Variants in GTF2F2 observed in about 807,000 individuals in gnomAD.
GTF2F2 encodes the protein ATP-dependent helicase GTF2F2.
GTF2F2 carries 23 observed loss-of-function variants against 42.2 expected under a neutral mutation model. The ratio of observed to expected loss-of-function variants is 0.55; its 90% confidence interval spans 0.39 to 0.77. The LOEUF is 0.77. Among genes scored for constraint, GTF2F2 ranks in the 30% least tolerant of loss-of-function variants. The pLI, the probability that GTF2F2 is intolerant of heterozygous loss-of-function variation, is 0.00. For missense variants in GTF2F2, 261 were observed against 287.2 expected (o/e 0.91, Z 0.66); for synonymous variants, 105 against 100.8 (o/e 1.04, Z -0.25).
At position 45,146,737 on chromosome 13, in the gene GTF2F2, A is replaced by T. The variant is rs1870215290; in HGVS notation, c.141-3033A>T. Among the ~76,000 whole-genome samples the T allele has an allele frequency of 2.6e-5, 4 of 152,296 alleles. No homozygotes were observed. In the South Asian group the frequency reaches 8.3e-4, roughly 32 times the overall value. ...GTAGCTGTGGGGTATTGAGAAATAG[A>T]CTCAGAGTAGTAAAGGAGAAAATGC... On this transcript the variant is annotated intron_variant, in intron 2 of 7. Coordinates refer to ENST00000340473, the MANE Select transcript of GTF2F2 (RefSeq NM_004128.3).
intron 2 of GTF2F2, among the ~76,000 whole-genome samples, chr13:45,141,967 T>G (rs550301084): frequency 1.1e-4 from 17 of 152,342 alleles, no homozygotes; most frequent in Non-Finnish European, 2.1e-4. Flanking sequence ...TTCCTTGTTG[T>G]TCTCTCTTGT....
chr13:45,153,854 G>A (rs1288519304), intron 4 of GTF2F2, among the ~76,000 whole-genome samples: 1 of 151,724 alleles, frequency 6.6e-6, no homozygotes, highest in Non-Finnish European at 1.5e-5. Flanking sequence ...GCAGGTGCCT[G>A]TAATCCCAGC....
chr13:45,239,838 C>G (rs1182517452), intron 5 of GTF2F2, among the ~76,000 whole-genome samples: 2 of 152,066 alleles, frequency 1.3e-5, no homozygotes, highest in Non-Finnish European at 2.9e-5. Context: ...TTCATTATAT[C>G]TAAGATGCAA....
At chr13:45,129,798 A>G (rs1869240150) in intron 1 of GTF2F2, among the ~76,000 whole-genome samples, 1 of 152,240 alleles carries the variant, frequency 6.6e-6, no homozygotes, top group Non-Finnish European at 1.5e-5. Flanking sequence ...TTTAAAGCAG[A>G]TGATAAGTGC....
chr13:45,206,367 A>G (rs1010170011), intron 4 of GTF2F2: 1 of 152,196 alleles, frequency 6.6e-6, no homozygotes, highest in African/African-American at 2.4e-5. Context: ...AGTGAACTGT[A>G]TGCTTCTTGA....
chr13:45,219,048 AAAAG>A (rs1221861093), intron 5 of GTF2F2, among the ~76,000 whole-genome samples: 1 of 152,120 alleles, frequency 6.6e-6, no homozygotes, highest in Non-Finnish European at 1.5e-5. Flanking sequence ...TTTTTTAAAA[AAAAG>A]GCTGCTCAAA....
intron 1 of GTF2F2, among the ~76,000 whole-genome samples, chr13:45,129,915 C>T (rs963044318): frequency 1.3e-5 from 2 of 152,168 alleles, no homozygotes; most frequent in Non-Finnish European, 2.9e-5. Context: ...TAAGCAGGGA[C>T]GTAAAGAATT....
intron 4 of GTF2F2, among the ~76,000 whole-genome samples, chr13:45,157,071 T>TG (rs1870797934): frequency 6.6e-6 from 1 of 151,978 alleles, no homozygotes; most frequent in Non-Finnish European, 1.5e-5. Context: ...AGGTTGGGGG[T>TG]GGGACCTCAT....
chr13:45,170,252 C>A (rs577062115), intron 4 of GTF2F2, among the ~76,000 whole-genome samples: 2 of 152,088 alleles, frequency 1.3e-5, no homozygotes, highest in Non-Finnish European at 2.9e-5. Flanking sequence ...GGTCTCAGAC[C>A]CCCCCTGCCT....
At chr13:45,222,839 A>G (rs1874174103) in intron 5 of GTF2F2, among the ~76,000 whole-genome samples, 1 of 152,178 alleles carries the variant, frequency 6.6e-6, no homozygotes, top group South Asian at 2.1e-4. Context: ...TTCGTGAACT[A>G]TGGCTAGATC....
At chr13:45,274,790 A>G (rs1407661895) in intron 7 of GTF2F2, among the ~76,000 whole-genome samples, 2 of 152,040 alleles carry the variant, frequency 1.3e-5, no homozygotes, top group African/African-American at 4.8e-5. Context: ...AAAAAACACA[A>G]AAATTAGCCA....
At chr13:45,200,941 GA>G (rs1408925841) in intron 4 of GTF2F2, among the ~76,000 whole-genome samples, 1 of 152,198 alleles carries the variant, frequency 6.6e-6, no homozygotes, top group African/African-American at 2.4e-5. Flanking sequence ...GGATCAGCCT[GA>G]AATGTTGGTC....
intron 5 of GTF2F2, among the ~76,000 whole-genome samples, chr13:45,218,146 G>A (rs1421170635): frequency 6.6e-6 from 1 of 152,148 alleles, no homozygotes; most frequent in African/African-American, 2.4e-5. Context: ...GTTTGCTGGA[G>A]GATTTGTCAC....
At chr13:45,153,976 C>CAAAA (rs71070960) in intron 4 of GTF2F2, among the ~76,000 whole-genome samples, 3 of 71,478 alleles carry the variant, frequency 4.2e-5, no homozygotes, top group African/African-American at 5.5e-5. Context: ...GACTCAGTCT[C>CAAAA]AAAAAAAAAA....
chr13:45,233,853 C>T (rs1874812954), intron 5 of GTF2F2, among the ~76,000 whole-genome samples: 2 of 152,016 alleles, frequency 1.3e-5, no homozygotes, highest in Admixed American at 6.6e-5. Flanking sequence ...GCCGAGGTTG[C>T]AGTGAACCGA....
At chr13:45,197,715 G>A (rs1566132051) in intron 4 of GTF2F2, among the ~76,000 whole-genome samples, 2 of 152,118 alleles carry the variant, frequency 1.3e-5, no homozygotes, top group African/African-American at 4.8e-5. Flanking sequence ...TTGCTAGGGG[G>A]TGGCGAGTGG....
chr13:45,226,870 G>A (rs776602217), intron 5 of GTF2F2, among the ~76,000 whole-genome samples: 12 of 152,088 alleles, frequency 7.9e-5, no homozygotes, highest in Non-Finnish European at 1.5e-4. Context: ...TGTTGCTATT[G>A]TAAATGTGTT....
intron 5 of GTF2F2, among the ~76,000 whole-genome samples, chr13:45,229,258 C>A (rs751715148): frequency 6.6e-6 from 1 of 152,110 alleles, no homozygotes; most frequent in East Asian, 1.9e-4. Flanking sequence ...GTGGATTGCA[C>A]ACCCTTCCTG....
Position 45,267,367 on chromosome 13 carries a change from G to A in GTF2F2, c.621G>A (p.Lys207=), listed in dbSNP as rs7331090. Residue 207 remains lysine, a synonymous_variant, in exon 7 of 8, where the codon AAG becomes AAA. Transcript: ENST00000340473. The stretch of plus-strand genomic sequence containing the variant: ...TTAAGGACTTGGTGGACATCACAAA[G>A]CAACCTGTGGTATGTATATGTTCAT... ...YNLKDLVDIT[K]QPVVYLKEIL... is the part of the protein sequence containing the mutation. 0.25 allele frequency: 399,344 copies of A among 1,599,218 alleles called. 59,497 individuals carry two copies. The highest frequency in any genetic ancestry group is 0.69 in the African/African-American group (51,113 of 74,354).
Sources: gnomAD v4.1 joint callset for allele counts (sites outside exome capture counted in the v4.1 genomes callset) on GRCh38, gnomAD v4.1.1 for gene constraint, MANE v1.5 for transcripts, NCBI Gene and HGNC (gene_info 2026-07-23, HGNC 2026-07-21) for gene names.